JAKMIP1: variants seen among roughly 807,000 people sequenced by gnomAD.
The protein encoded by JAKMIP1 is janus kinase and microtubule interacting protein 1.
Under a neutral mutation model 113.0 loss-of-function variants are expected in JAKMIP1, and 33 were observed. The ratio of observed to expected loss-of-function variants is 0.29; its 90% CI spans 0.22 to 0.39. The LOEUF (loss-of-function observed/expected upper bound fraction) is 0.39, where lower values mean the gene tolerates loss of function less well. Ranked by LOEUF, JAKMIP1 falls within the 10% of genes least tolerant of loss-of-function variation. The pLI, the probability that JAKMIP1 is intolerant of heterozygous loss-of-function variation, is 1.00. For synonymous variants in JAKMIP1, 480 were observed against 459.9 expected (o/e 1.04, Z -0.56); for missense variants, 813 against 1,080.5 (o/e 0.75, Z 3.47).
chr4:6,193,629 A>T lies in JAKMIP1; in HGVS notation c.-148+6624T>A, dbSNP rs546646071. 6.6e-6 allele frequency among the ~76,000 whole-genome samples: 1 copy of T among 152,162 alleles called. No homozygotes were observed. The highest frequency in any genetic ancestry group is 1.5e-5 in the Non-Finnish European group (1 of 68,032). ...TCTGGGGCACTCGGCTGGCTCCCGC[A>T]TCGTCCCTCCTGCCTCGGGGTGCTC... On this transcript the variant is annotated intron_variant, in intron 1 of 20. Transcript: ENST00000409021. The surrounding 1 kb of genome is among the most constrained non-coding windows in gnomAD (Gnocchi z 6.4).
rs1258685245 is a variant in JAKMIP1 at position 6,186,664 on chromosome 4, G to C, written c.-148+13589C>G. ...TTTATTCTGATGTCCTTGGTCTAGT[G>C]TTCTATAGGTTTCCACTAGGTCTAA... is the stretch of plus-strand genomic sequence containing the variant. On this transcript the variant is annotated intron_variant, in intron 1 of 20. Coordinates refer to ENST00000409021, the MANE Select transcript of JAKMIP1 (RefSeq NM_001099433.2). This position sits in a 1 kb window ranked among gnomAD's most constrained non-coding sequence, Gnocchi z 5.5. 6.6e-6 allele frequency among the ~76,000 whole-genome samples: 1 copy of C among 152,186 alleles called. No homozygotes were observed. Among genetic ancestry groups the C allele is most frequent in the Non-Finnish European group, 1.5e-5 (1 of 68,040 alleles).
In JAKMIP1 at chr4:6,176,624, G is replaced by A. The variant is rs1198580619; in HGVS notation, c.-148+23629C>T. ...GGAGATAACTCCATGTTTACAAATG[G>A]GGAAACTGAGGCTTGCAGTGGTAGA... On this transcript the variant is annotated intron_variant, in intron 1 of 20. Coordinates refer to ENST00000409021, the MANE Select transcript of JAKMIP1 (RefSeq NM_001099433.2). This position sits in a 1 kb window ranked among gnomAD's most constrained non-coding sequence, Gnocchi z 5.5. 1.3e-5 allele frequency among the ~76,000 whole-genome samples: 2 copies of A among 152,160 alleles called. No individual in the cohort carries two copies. The highest frequency in any genetic ancestry group is 2.9e-5 in the Non-Finnish European group (2 of 68,018).
rs570193143 is a variant in JAKMIP1, at chr4:6,136,324, T to A, written c.-147-23327A>T. On this transcript the variant is annotated intron_variant, in intron 1 of 20. Coordinates refer to ENST00000409021, the MANE Select transcript of JAKMIP1 (RefSeq NM_001099433.2). This position sits in a 1 kb window ranked among gnomAD's most constrained non-coding sequence, Gnocchi z 5.9. ...GCATCTGTGAATCCATATTTCAGTC[T>A]GCTTGAACCCAAAAGACCATGGGAA... is the stretch of plus-strand genomic sequence containing the variant. Among the ~76,000 whole-genome samples, 1 of 152,278 alleles carries A rather than the reference T, an allele frequency of 6.6e-6. No homozygotes were observed. The highest frequency in any genetic ancestry group is 1.9e-4 in the East Asian group (1 of 5,168).
chr4:6,062,348 C>A lies in JAKMIP1; in HGVS notation c.1524G>T (p.Gln508His). 6.2e-7 allele frequency: 1 copy of A among 1,613,516 alleles called. No homozygotes were observed. The highest frequency in any genetic ancestry group is 8.5e-7 in the Non-Finnish European group (1 of 1,179,988). ...LQRAYALLQE[Q>H]VGGTLDAERE... The stretch of plus-strand genomic sequence containing the variant: ...TCTCAGCGTCCAGCGTGCCTCCCAC[C>A]TGCTCCTGGAGCAGGGCGTAGGCGC... Residue 508 changes from glutamine (Q) to histidine (H), a missense_variant, in exon 10 of 21, where the codon CAG becomes CAT. Physicochemically the swap from Gln to His is conservative, Grantham distance 24. Coordinates refer to ENST00000409021, the MANE Select transcript of JAKMIP1 (RefSeq NM_001099433.2).
intron 1 of JAKMIP1, among the ~76,000 whole-genome samples, chr4:6,114,371 T>C (rs1399220421): frequency 6.6e-6 from 1 of 152,100 alleles, no homozygotes; most frequent in Non-Finnish European, 1.5e-5. Context: ...AAGCTGGACA[T>C]TGGATTTGGC....
rs1285047419 is a variant in JAKMIP1 at position 6,061,106 on chromosome 4, G to C, written c.1561-599C>G. On this transcript the variant is annotated intron_variant, in intron 10 of 20. Transcript: ENST00000409021. This position sits in a 1 kb window ranked among gnomAD's most constrained non-coding sequence, Gnocchi z 5.3. ...AGGGAGACACTGCTACCCAGCAGCA[G>C]CCACAAGAAATGGGACGCCTGTTGC... is the stretch of plus-strand genomic sequence containing the variant. 6.6e-6 allele frequency among the ~76,000 whole-genome samples: 1 copy of C among 152,270 alleles called. No homozygotes were observed. Among genetic ancestry groups the C allele is most frequent in the African/African-American group, 2.4e-5 (1 of 41,476 alleles).
chr4:6,118,574 G>A (rs1046434504), intron 1 of JAKMIP1, among the ~76,000 whole-genome samples: 2 of 152,110 alleles, frequency 1.3e-5, no homozygotes, highest in African/African-American at 2.4e-5. Flanking sequence ...AGCCTTCCAC[G>A]ATGCCCACCA....
At chr4:6,083,478 A>C (rs1284940394) in intron 5 of JAKMIP1, among the ~76,000 whole-genome samples, 1 of 152,062 alleles carries the variant, frequency 6.6e-6, no homozygotes, top group Non-Finnish European at 1.5e-5. Context: ...CTGATCTGAC[A>C]TGTTTCCAGA....
intron 16 of JAKMIP1, among the ~76,000 whole-genome samples, chr4:6,045,290 A>C (rs774379077): frequency 6.6e-6 from 1 of 152,086 alleles, no homozygotes; most frequent in Non-Finnish European, 1.5e-5. Context: ...GGGAGAAGAG[A>C]TATGACTGCT....
intron 19 of JAKMIP1, among the ~76,000 whole-genome samples, chr4:6,033,087 G>C (rs62284775): frequency 0.081 from 12,299 of 152,280 alleles, 685 homozygotes; most frequent in Middle Eastern, 0.17. Flanking sequence ...TTTTACAAAA[G>C]TGCAGAATCA....
At chr4:6,100,535 G>A (rs566254278) in intron 3 of JAKMIP1, among the ~76,000 whole-genome samples, 2 of 152,284 alleles carry the variant, frequency 1.3e-5, no homozygotes, top group South Asian at 4.1e-4. Context: ...AATGCTATAA[G>A]CATTCATGTA....
In JAKMIP1 at chr4:6,199,437, G is replaced by T. The variant is rs1030860661; in HGVS notation, c.-148+816C>A. Among the ~76,000 whole-genome samples the T allele has an allele frequency of 6.6e-6, 1 of 152,178 alleles. No individual in the cohort carries two copies. Among genetic ancestry groups the T allele is most frequent in the Non-Finnish European group, 1.5e-5 (1 of 68,012 alleles). On this transcript the variant is annotated intron_variant, in intron 1 of 20. Transcript: ENST00000409021. The surrounding 1 kb of genome is among the most constrained non-coding windows in gnomAD (Gnocchi z 5.6). Reference sequence around the variant, plus strand: ...GCGAAGGACCGAGGGGCTGGGAGGCGAGGCCGCAGCGCACTGACGCAGGCC... The same window carrying T: ...GCGAAGGACCGAGGGGCTGGGAGGCTAGGCCGCAGCGCACTGACGCAGGCC...
chr4:6,169,561 G>A (rs1195983044), intron 1 of JAKMIP1, among the ~76,000 whole-genome samples: 1 of 149,860 alleles, frequency 6.7e-6, no homozygotes, highest in Non-Finnish European at 1.5e-5. Flanking sequence ...TTTGTTTTAT[G>A]CCACCCAGAT....
At chr4:6,095,324 G>A (rs1033705267) in intron 3 of JAKMIP1, among the ~76,000 whole-genome samples, 1 of 150,226 alleles carries the variant, frequency 6.7e-6, no homozygotes, top group East Asian at 2.0e-4. Context: ...GGGAAAGAGA[G>A]AGACAGCGAA....
intron 1 of JAKMIP1, among the ~76,000 whole-genome samples, chr4:6,191,193 G>T (rs1727219272): frequency 6.6e-6 from 1 of 152,214 alleles, no homozygotes; most frequent in Non-Finnish European, 1.5e-5. Flanking sequence ...CATGGGCGTG[G>T]ATGCCAGTGA....
At chr4:6,045,530 G>C (rs1289411096) in intron 16 of JAKMIP1, among the ~76,000 whole-genome samples, 1 of 152,150 alleles carries the variant, frequency 6.6e-6, no homozygotes, top group East Asian at 1.9e-4. Context: ...ATCAACACAG[G>C]CACATCATAG....
rs539025551 is a variant in JAKMIP1, at chr4:6,108,511, C to G, written c.130-2544G>C. 8.7e-4 allele frequency among the ~76,000 whole-genome samples: 133 copies of G among 152,266 alleles called. 1 individual carries two copies. The South Asian group carries it at 0.016, about 19-fold the overall frequency. On this transcript the variant is annotated intron_variant, in intron 2 of 20. Transcript: ENST00000409021. The surrounding 1 kb of genome is among the most constrained non-coding windows in gnomAD (Gnocchi z 5.6). ...ACCAGCACCACCCTCACTTGCCACT[C>G]CCACTCAGAGAGTGAGTCAGATTCA...
chr4:6,128,972 C>T (rs139702045), intron 1 of JAKMIP1, among the ~76,000 whole-genome samples: 2,902 of 152,342 alleles, frequency 0.019, 39 homozygotes, highest in South Asian at 0.04. Context: ...CTCACCCGGG[C>T]GTCGGGTCCA....
At chr4:6,043,371 C>A (rs1406307884) in intron 16 of JAKMIP1, among the ~76,000 whole-genome samples, 4 of 152,030 alleles carry the variant, frequency 2.6e-5, no homozygotes, top group Non-Finnish European at 4.4e-5. Context: ...CAGCTGGTCA[C>A]CCTCGCCAGG....
Sources: gnomAD v4.1 joint callset for allele counts (sites outside exome capture counted in the v4.1 genomes callset) on GRCh38, gnomAD v4.1.1 for gene constraint, Gnocchi (gnomAD v3.1) non-coding constraint, MANE v1.5 for transcripts, NCBI Gene and HGNC (gene_info 2026-07-23, HGNC 2026-07-21) for gene names.